The following KCNMA1 variants were observed in gnomAD, a reference collection of about 807,000 sequenced individuals.
The protein encoded by KCNMA1 is Calcium-activated potassium channel subunit alpha-1.
A neutral mutation model predicts 140.0 loss-of-function variants in KCNMA1; 29 were observed. The observed-to-expected ratio is 0.21, with a 90% CI of 0.15 to 0.28. The LOEUF (loss-of-function observed/expected upper bound fraction) is 0.28, where lower values mean the gene tolerates loss of function less well. Among genes scored for constraint, KCNMA1 ranks in the 10% least tolerant of loss-of-function variants. KCNMA1 has a pLI of 1.00. For synonymous variants in KCNMA1, 612 were observed against 611.9 expected (o/e 1.00, Z 0.00); for missense variants, 880 against 1,602.2 (o/e 0.55, Z 7.70).
chr10:77,086,696 G>T, intron 10 of KCNMA1, 103 bp from the exon 11 acceptor site: 1 of 795,122 alleles, frequency 1.3e-6, no homozygotes, highest in South Asian at 1.4e-5. Flanking sequence ...CCTGGGGAGA[G>T]GCTGTGACCT....
intron 5 of KCNMA1, among the ~76,000 whole-genome samples, chr10:77,171,400 C>CGCGTGTGTGT (rs2098706001): frequency 7.8e-6 from 1 of 128,932 alleles, no homozygotes; most frequent in Non-Finnish European, 1.8e-5. Context: ...TGTGTGTGTG[C>CGCGTGTGTGT]GTGTGTGTGT....
intron 1 of KCNMA1, among the ~76,000 whole-genome samples, chr10:77,540,632 A>C (rs771934026): frequency 2.0e-5 from 3 of 152,246 alleles, no homozygotes; most frequent in Non-Finnish European, 4.4e-5. Context: ...TGAATACATT[A>C]TTTGAGTAAA....
intron 23 of KCNMA1, among the ~76,000 whole-genome samples, chr10:76,918,382 G>A (rs894765812): frequency 1.4e-4 from 21 of 152,240 alleles, no homozygotes; most frequent in Non-Finnish European, 2.9e-5. Flanking sequence ...GCTATCACCA[G>A]ATGGGCTCCT....
chr10:77,628,877 A>G (rs1454911663), intron 1 of KCNMA1, among the ~76,000 whole-genome samples: 3 of 152,174 alleles, frequency 2.0e-5, no homozygotes, highest in Non-Finnish European at 1.5e-5. Flanking sequence ...AAGGATGTAA[A>G]AGAAAGGATG....
chr10:77,507,404 C>G (rs530384547), intron 1 of KCNMA1, among the ~76,000 whole-genome samples: 1 of 152,218 alleles, frequency 6.6e-6, no homozygotes, highest in Non-Finnish European at 1.5e-5. Context: ...CTCAGTCTGA[C>G]CAGCTCAGCA....
In KCNMA1 at chr10:77,086,636, G is replaced by A. The variant is rs369930240; in HGVS notation, c.1335-43C>T. ...AAATCGCTATTAATTTAATGGACTC[G>A]GGGGTTTCAGCCTCCATGGGCTCCT... On this transcript the variant is annotated intron_variant, in intron 10 of 27. Transcript: ENST00000286628. 17 of 1,419,940 alleles carry A rather than the reference G, an allele frequency of 1.2e-5. 1 individual carries two copies. The highest frequency in any genetic ancestry group is 9.8e-5 in the African/African-American group (7 of 71,098). 88.0% of individuals were successfully genotyped at this position (1,419,940 alleles called of 1,614,324 possible). A position where few individuals can be genotyped will look rare whatever the true frequency, so the allele number is the denominator to read the frequency against.
chr10:77,244,887 G>A (rs561005678), intron 3 of KCNMA1, among the ~76,000 whole-genome samples: 3 of 152,136 alleles, frequency 2.0e-5, no homozygotes, highest in Admixed American at 6.5e-5. Flanking sequence ...AGTGGGCTCG[G>A]CTCCTCTACC....
rs2098679161 is a variant in KCNMA1, at chr10:77,169,460, G to T, written c.808+13961C>A. Among the ~76,000 whole-genome samples the T allele has an allele frequency of 3.3e-5, 5 of 152,054 alleles. 1 individual carries two copies. In the South Asian group the frequency reaches 1.0e-3, roughly 32 times the overall value. ...GCTGGAGTACAGTAGCACAACCACA[G>T]CTCACTGTAGCTTCAACCTCCAAGG... On this transcript the variant is annotated intron_variant, in intron 5 of 27. Coordinates refer to ENST00000286628, the MANE Select transcript of KCNMA1 (RefSeq NM_001161352.2).
chr10:77,347,241 A>C (rs934675715), intron 2 of KCNMA1, among the ~76,000 whole-genome samples: 1 of 152,238 alleles, frequency 6.6e-6, no homozygotes, highest in African/African-American at 2.4e-5. Context: ...GGCCTTGTGC[A>C]TGAACCCCAC....
chr10:77,251,397 G>GC (rs1224530100), intron 2 of KCNMA1, 141 bp from the exon 3 acceptor site: 9 of 717,076 alleles, frequency 1.3e-5, no homozygotes, highest in Admixed American at 2.0e-5. Context: ...CTCATCCCCA[G>GC]CCCCCCATTA....
intron 5 of KCNMA1, among the ~76,000 whole-genome samples, chr10:77,146,701 C>CAAAAAAAAAAAAAAAAAAAAAAAA (rs5786266): frequency 6.2e-5 from 4 of 64,182 alleles, no homozygotes; most frequent in Non-Finnish European, 1.0e-4. Flanking sequence ...GACTTCATCT[C>CAAAAAAAAAAAAAAAAAAAAAAAA]AAAAAAAAAA....
intron 18 of KCNMA1, among the ~76,000 whole-genome samples, chr10:77,002,012 T>G (rs564202915): frequency 1.3e-5 from 2 of 152,322 alleles, no homozygotes; most frequent in Non-Finnish European, 2.9e-5. Flanking sequence ...GTATAATAAA[T>G]GGTTTTTGCA....
chr10:77,260,064 C>T (rs191611079), intron 2 of KCNMA1, among the ~76,000 whole-genome samples: 13 of 152,224 alleles, frequency 8.5e-5, no homozygotes, highest in African/African-American at 1.4e-4. Context: ...GTTTATAACC[C>T]GGAATAAAGG....
At chr10:77,418,604 G>A (rs550266450) in intron 1 of KCNMA1, among the ~76,000 whole-genome samples, 1 of 152,254 alleles carries the variant, frequency 6.6e-6, no homozygotes, top group African/African-American at 2.4e-5. Flanking sequence ...CCTCAGTGAG[G>A]AGGATACCCT....
chr10:77,015,482 T>C (rs1301314870), intron 17 of KCNMA1, among the ~76,000 whole-genome samples: 1 of 151,972 alleles, frequency 6.6e-6, no homozygotes, highest in Non-Finnish European at 1.5e-5. Context: ...TCCTCCTTTT[T>C]CCCATTTAAG....
chr10:77,257,946 A>C (rs1420986728), intron 2 of KCNMA1, among the ~76,000 whole-genome samples: 2 of 152,206 alleles, frequency 1.3e-5, no homozygotes, highest in African/African-American at 4.8e-5. Flanking sequence ...CTTTATCAGC[A>C]GTGTGAAAAC....
rs144200180 is a variant in KCNMA1 at position 77,071,482 on chromosome 10, A to T, written c.1749+1615T>A. On this transcript the variant is annotated intron_variant, in intron 14 of 27. Coordinates refer to ENST00000286628, the MANE Select transcript of KCNMA1 (RefSeq NM_001161352.2). ...GAAGTTCTCGTGGTGACAGTCCTTTATCCTGAGTCTGGGCTTTTCATGTTG... is the reference window on the plus strand; with the variant it reads ...GAAGTTCTCGTGGTGACAGTCCTTTTTCCTGAGTCTGGGCTTTTCATGTTG... 91 of 152,314 alleles carry T rather than the reference A, an allele frequency of 6.0e-4. 1 individual carries two copies. The highest frequency in any genetic ancestry group is 2.2e-3 in the African/African-American group (90 of 41,574). The allele number at this position is 152,314 out of a possible 1,614,324, so 9.4% of individuals were successfully genotyped here.
Position 77,595,371 on chromosome 10 carries a change from AG to A in KCNMA1, c.378+41893del, listed in dbSNP as rs1567765039. 3.3e-5 allele frequency among the ~76,000 whole-genome samples: 4 copies of A among 121,660 alleles called. No individual in the cohort carries two copies. In the South Asian group the frequency reaches 1.2e-3, roughly 35 times the overall value. 79.8% of individuals were successfully genotyped at this position (121,660 alleles called of 152,430 possible). ...CAAAAAAAAAAAAAAAAAAAAAAAA[AG>A]GTTTTAGTAGCAAACAGTCAAGTTT... On this transcript the variant is annotated intron_variant, in intron 1 of 27. Transcript: ENST00000286628.
At position 77,417,796 on chromosome 10, in the gene KCNMA1, G is replaced by A. The variant is rs138762231; in HGVS notation, c.379-13773C>T. Among the ~76,000 whole-genome samples the A allele has an allele frequency of 2.7e-3, 414 of 152,196 alleles. 1 individual carries two copies. The highest frequency in any genetic ancestry group is 9.0e-3 in the African/African-American group (372 of 41,508). On this transcript the variant is annotated intron_variant, in intron 1 of 27. Transcript: ENST00000286628. ...TCAAAAGAGCTGTCCCAATTAGGTC[G>A]TCAGACAGCCTTTCCCCACACTTAA...
Sources: gnomAD v4.1 joint callset for allele counts (sites outside exome capture counted in the v4.1 genomes callset) on GRCh38, gnomAD v4.1.1 for gene constraint, MANE v1.5 for transcripts, NCBI Gene and HGNC (gene_info 2026-07-23, HGNC 2026-07-21) for gene names.